The following ALKBH3 variants were observed in gnomAD, a reference collection of about 807,000 sequenced individuals.
ALKBH3 encodes alpha-ketoglutarate-dependent dioxygenase alkB homolog 3.
A neutral mutation model predicts 43.9 loss-of-function variants in ALKBH3; 51 were observed. That is an observed-to-expected ratio of 1.16 (90% CI 0.93 to 1.47). The LOEUF is 1.47. Among genes scored for constraint, ALKBH3 ranks in the 40% most tolerant of loss-of-function variants. The pLI, the probability that ALKBH3 is intolerant of heterozygous loss-of-function variation, is 0.00. For missense variants in ALKBH3, 361 were observed against 351.9 expected (o/e 1.03, Z -0.21); for synonymous variants, 102 against 115.2 (o/e 0.89, Z 0.73).
intron 8 of ALKBH3, among the ~76,000 whole-genome samples, chr11:43,913,430 T>C (rs986212704): frequency 2.6e-5 from 4 of 152,218 alleles, no homozygotes; most frequent in Non-Finnish European, 2.9e-5. Flanking sequence ...TAATGGCCTC[T>C]AAGATTTATT....
At chr11:43,882,990 A>T in intron 2 of ALKBH3, 95 bp from the exon 3 acceptor site, 1 of 998,896 alleles carries the variant, frequency 1.0e-6, no homozygotes, top group Non-Finnish European at 1.5e-6. Context: ...TGTCATAGAG[A>T]TCATCTCCAA....
intron 6 of ALKBH3, among the ~76,000 whole-genome samples, chr11:43,891,486 T>C (rs900125396): frequency 2.0e-5 from 3 of 152,196 alleles, no homozygotes; most frequent in African/African-American, 4.8e-5. Context: ...ATACCAGTTA[T>C]GGGAAAAAGA....
intron 5 of ALKBH3, among the ~76,000 whole-genome samples, chr11:43,887,693 A>G (rs1951755634): frequency 6.6e-6 from 1 of 152,232 alleles, no homozygotes; most frequent in East Asian, 1.9e-4. Context: ...TGTGAGTGCT[A>G]CATTATATTA....
intron 7 of ALKBH3, among the ~76,000 whole-genome samples, chr11:43,896,147 A>G (rs373983771): frequency 6.6e-6 from 1 of 152,156 alleles, no homozygotes; most frequent in African/African-American, 2.4e-5. Flanking sequence ...CAAGGAAAAC[A>G]ATGGACAAGA....
Position 43,915,870 on chromosome 11 carries a change from A to G in ALKBH3, c.670-3168A>G, listed in dbSNP as rs562549707. ...GTGTACTCTTCCTCAGTCATTCAGT[A>G]CATATTTATTCATATGTGTGATAGG... is the stretch of plus-strand genomic sequence containing the variant. On this transcript the variant is annotated intron_variant, in intron 8 of 9. Transcript: ENST00000302708. 5.9e-5 allele frequency among the ~76,000 whole-genome samples: 9 copies of G among 152,338 alleles called. No individual in the cohort carries two copies. In the East Asian group the frequency reaches 1.7e-3, roughly 29 times the overall value.
chr11:43,911,437 C>T lies in ALKBH3; in HGVS notation c.670-7601C>T, dbSNP rs976210227. 8.5e-5 allele frequency among the ~76,000 whole-genome samples: 13 copies of T among 152,236 alleles called. No individual in the cohort carries two copies. The East Asian group carries it at 1.4e-3, about 16-fold the overall frequency. ...CCTGCTGGAGGAGTTCCTTCTTCTA[C>T]GTGCAAAATCTGAGGTGCCTGAGGC... is the stretch of plus-strand genomic sequence containing the variant. On this transcript the variant is annotated intron_variant, in intron 8 of 9. Coordinates refer to ENST00000302708, the MANE Select transcript of ALKBH3 (RefSeq NM_139178.4).
At chr11:43,891,193 C>G (rs1044244522) in intron 6 of ALKBH3, among the ~76,000 whole-genome samples, 1 of 152,212 alleles carries the variant, frequency 6.6e-6, no homozygotes, top group Non-Finnish European at 1.5e-5. Context: ...CTTCTCTCAA[C>G]TCCCACAGTT....
chr11:43,909,953 C>T lies in ALKBH3; in HGVS notation c.669+8228C>T, dbSNP rs1951925059. 3 of 152,264 alleles carry T rather than the reference C, an allele frequency of 2.0e-5. No homozygotes were observed. The South Asian group carries it at 6.2e-4, about 32-fold the overall frequency. The allele number at this position is 152,264 out of a possible 1,614,324, so 9.4% of individuals were successfully genotyped here. On this transcript the variant is annotated intron_variant, in intron 8 of 9. Coordinates refer to ENST00000302708, the MANE Select transcript of ALKBH3 (RefSeq NM_139178.4). ...CCCACCACTCTGCTGAAATTATCCT[C>T]ATACCGTTGACCTCAAATCAAGTCC... is the stretch of plus-strand genomic sequence containing the variant.
intron 1 of ALKBH3, among the ~76,000 whole-genome samples, chr11:43,882,218 GTC>G (rs1306699154): frequency 6.6e-6 from 1 of 152,182 alleles, no homozygotes; most frequent in African/African-American, 2.4e-5. Flanking sequence ...CTTGGAAACA[GTC>G]TTAGCCGATT....
intron 8 of ALKBH3, chr11:43,917,052 G>A (rs1951989157): frequency 6.6e-6 from 1 of 152,228 alleles, no homozygotes; most frequent in Admixed American, 6.5e-5. Flanking sequence ...TGATTCGAGT[G>A]GCTCCCTCCC....
At position 43,899,611 on chromosome 11, in the gene ALKBH3, C is replaced by A. The variant is rs553005722; in HGVS notation, c.460-1905C>A. 3.1e-5 allele frequency: 16 copies of A among 520,530 alleles called. No individual in the cohort carries two copies. The African/African-American group carries it at 3.1e-4, about 10-fold the overall frequency. 32.2% of individuals were successfully genotyped at this position (520,530 alleles called of 1,614,324 possible). ...TGCAGAGGAGATGGCCGCCCCTCCTCGGACAGCCAGCTCCACCCTCCCGCC... is the reference window on the plus strand; with the variant it reads ...TGCAGAGGAGATGGCCGCCCCTCCTAGGACAGCCAGCTCCACCCTCCCGCC... On this transcript the variant is annotated intron_variant, in intron 7 of 9. Coordinates refer to ENST00000302708, the MANE Select transcript of ALKBH3 (RefSeq NM_139178.4).
chr11:43,916,776 C>G (rs1057143549), intron 8 of ALKBH3: 1 of 152,204 alleles, frequency 6.6e-6, no homozygotes, highest in African/African-American at 2.4e-5. Context: ...AGTCTCCATG[C>G]ATCTTGCTTC....
intron 7 of ALKBH3, chr11:43,897,460 T>A: frequency 2.7e-6 from 2 of 738,804 alleles, no homozygotes; most frequent in South Asian, 2.8e-5. Context: ...ACAATCATGG[T>A]GCAAAAATAC....
At chr11:43,898,861 A>G (rs1951840053) in intron 7 of ALKBH3, 1 of 762,480 alleles carries the variant, frequency 1.3e-6, no homozygotes, top group South Asian at 1.4e-5. Flanking sequence ...GCTGGATTAC[A>G]TTGATAGATT....
Position 43,884,020 on chromosome 11 carries a change from A to G in ALKBH3, c.218+3A>G. 2 of 1,613,922 alleles carry G rather than the reference A, an allele frequency of 1.2e-6. No individual in the cohort carries two copies. Among genetic ancestry groups the G allele is most frequent in the Non-Finnish European group, 1.7e-6 (2 of 1,179,898 alleles). ...GCTCCTGAGCCACGAGTGATTGAGTAAGTAATTTGCTGTCTTCCTGTAATT... is the reference window on the plus strand; with the variant it reads ...GCTCCTGAGCCACGAGTGATTGAGTGAGTAATTTGCTGTCTTCCTGTAATT... On this transcript the variant is annotated splice_donor_region_variant and intron_variant, in intron 4 of 9. Transcript: ENST00000302708.
chr11:43,900,215 A>AT (rs34274072), intron 7 of ALKBH3, among the ~76,000 whole-genome samples: 1,291 of 87,146 alleles, frequency 0.015, 129 homozygotes, highest in African/African-American at 0.039. Flanking sequence ...TTTTAATTTA[A>AT]TTTTTTTTTT....
At chr11:43,890,137 C>CTG (rs33975802) in intron 6 of ALKBH3, among the ~76,000 whole-genome samples, 1 of 151,996 alleles carries the variant, frequency 6.6e-6, no homozygotes, top group Non-Finnish European at 1.5e-5. Context: ...TGTTCACTGA[C>CTG]TTGCTTCAAA....
chr11:43,891,869 A>C (rs1015517055), intron 6 of ALKBH3, among the ~76,000 whole-genome samples, 172 bp from the exon 7 acceptor site: 7 of 152,204 alleles, frequency 4.6e-5, no homozygotes, highest in African/African-American at 1.7e-4. Context: ...TCTCTTGTCC[A>C]TTCTACTTGC....
chr11:43,898,338 G>C (rs939909461), intron 7 of ALKBH3: 1 of 712,212 alleles, frequency 1.4e-6, no homozygotes, highest in African/African-American at 1.8e-5. Flanking sequence ...AATCTTTGGC[G>C]TGGAGGAAGC....
Sources: gnomAD v4.1 joint callset for allele counts (sites outside exome capture counted in the v4.1 genomes callset) on GRCh38, gnomAD v4.1.1 for gene constraint, MANE v1.5 for transcripts, NCBI Gene and HGNC (gene_info 2026-07-23, HGNC 2026-07-21) for gene names.